IFNAR2: variants seen among roughly 807,000 people sequenced by gnomAD.
IFNAR2 encodes the protein interferon alpha/beta receptor 2.
A neutral mutation model predicts 49.4 loss-of-function variants in IFNAR2; 30 were observed. That is an observed-to-expected ratio of 0.61 (90% CI 0.45 to 0.82). The LOEUF (loss-of-function observed/expected upper bound fraction) is 0.82, where lower values mean the gene tolerates loss of function less well. Among genes scored for constraint, IFNAR2 ranks in the 40% least tolerant of loss-of-function variants. IFNAR2 has a pLI of 0.00. For synonymous variants in IFNAR2, 224 were observed against 234.5 expected, an observed-to-expected ratio of 0.96 and a Z score of 0.41; for missense variants, 600 against 622.7, an observed-to-expected ratio of 0.96 and a Z score of 0.39.
chr21:33,260,512 A>AAC (rs781779233), intron 7 of IFNAR2, 85 bp from the exon 8 acceptor site: 607 of 1,275,472 alleles, frequency 4.8e-4, no homozygotes, highest in Non-Finnish European at 6.1e-4. Flanking sequence ...ATCATCTTGT[A>AAC]ACACCAGGCC....
intron 1 of IFNAR2, among the ~76,000 whole-genome samples, chr21:33,234,566 A>G (rs1986307578): frequency 6.6e-6 from 1 of 152,240 alleles, no homozygotes; most frequent in Admixed American, 6.5e-5. Flanking sequence ...ACTATGAGGC[A>G]GCGAGTTCCT....
At chr21:33,236,408 A>G (rs899412115) in intron 1 of IFNAR2, among the ~76,000 whole-genome samples, 1 of 152,148 alleles carries the variant, frequency 6.6e-6, no homozygotes, top group Non-Finnish European at 1.5e-5. Context: ...CCCACAGTGT[A>G]GTGGCCACGT....
intron 7 of IFNAR2, among the ~76,000 whole-genome samples, chr21:33,257,865 T>C (rs1198456742): frequency 6.6e-6 from 1 of 152,140 alleles, no homozygotes; most frequent in Non-Finnish European, 1.5e-5. Flanking sequence ...TGGCCACAGA[T>C]GGCCTTCCTG....
At chr21:33,235,794 C>T (rs1009087570) in intron 1 of IFNAR2, among the ~76,000 whole-genome samples, 9 of 151,948 alleles carry the variant, frequency 5.9e-5, no homozygotes, top group Admixed American at 2.0e-4. Context: ...GGTGTGGTGG[C>T]GGGCGCCTGT....
intron 4 of IFNAR2, among the ~76,000 whole-genome samples, chr21:33,245,433 C>T (rs1034896477): frequency 1.6e-4 from 24 of 152,202 alleles, no homozygotes; most frequent in African/African-American, 5.5e-4. Context: ...TATCTGAGGA[C>T]AGGAATCCAA....
chr21:33,250,618 A>C (rs1011289547), intron 6 of IFNAR2, among the ~76,000 whole-genome samples: 1 of 151,842 alleles, frequency 6.6e-6, no homozygotes, highest in South Asian at 2.1e-4. Flanking sequence ...GCTCACTGCA[A>C]CCTCCGCCTC....
intron 3 of IFNAR2, 28 bp from the exon 4 acceptor site, chr21:33,244,923 T>A: frequency 6.2e-7 from 1 of 1,612,380 alleles, no homozygotes. Context: ...GTTCCAAATT[T>A]CAATGCCCTT....
intron 1 of IFNAR2, among the ~76,000 whole-genome samples, chr21:33,237,078 G>GGTGT (rs34322078): frequency 0.015 from 2,176 of 147,674 alleles, 22 homozygotes; most frequent in Middle Eastern, 0.028. Context: ...GGGAGAATGG[G>GGTGT]GTGTGTGTGT....
intron 1 of IFNAR2, among the ~76,000 whole-genome samples, chr21:33,236,279 G>A (rs1424936456): frequency 6.6e-6 from 1 of 152,074 alleles, no homozygotes; most frequent in East Asian, 1.9e-4. Flanking sequence ...TAGGATGCAT[G>A]TACTTGCACC....
intron 7 of IFNAR2, among the ~76,000 whole-genome samples, chr21:33,257,599 C>T (rs568701940): frequency 6.6e-6 from 1 of 152,056 alleles, no homozygotes; most frequent in South Asian, 2.1e-4. Context: ...GTGCGTTTTA[C>T]AGAATGCTGA....
chr21:33,262,977 T>C lies in IFNAR2; in HGVS notation c.1025T>C (p.Leu342Pro). ...TSGGGYTMHG[L>P]TVRPLGQASA... The stretch of plus-strand genomic sequence containing the variant: ...GGCGGTGGCTATACCATGCATGGAC[T>C]GACTGTCAGGCCTCTGGGTCAGGCC... The change falls in exon 9 of 9, where the codon CTG becomes CCG. Residue 342 changes from leucine to proline, a missense_variant. Physicochemically the swap from Leu to Pro is moderately conservative, Grantham distance 98. Transcript: ENST00000342136. 1.2e-6 allele frequency: 2 copies of C among 1,614,166 alleles called. No homozygotes were observed. The highest frequency in any genetic ancestry group is 2.2e-5 in the South Asian group (2 of 91,080).
chr21:33,248,785 T>C lies in IFNAR2; in HGVS notation c.471T>C (p.Ile157=). ...HINVMVKFPS[I]VEEELQFDLS... ...ATGTGATGGTGAAATTTCCATCTATTGTTGAGGAAGAATTACAGTTTGATT... is the reference window on the plus strand; with the variant it reads ...ATGTGATGGTGAAATTTCCATCTATCGTTGAGGAAGAATTACAGTTTGATT... Residue 157 remains isoleucine (I), a synonymous_variant, in exon 6 of 9, where the codon ATT becomes ATC. Coordinates refer to ENST00000342136, the MANE Select transcript of IFNAR2 (RefSeq NM_001289125.3). The C allele has an allele frequency of 1.2e-6, 2 of 1,611,402 alleles. No homozygotes were observed. The highest frequency in any genetic ancestry group is 1.7e-6 in the Non-Finnish European group (2 of 1,178,494).
chr21:33,249,455 G>C (rs1016496550), intron 6 of IFNAR2, among the ~76,000 whole-genome samples: 1 of 152,094 alleles, frequency 6.6e-6, no homozygotes, highest in African/African-American at 2.4e-5. Context: ...GTGAACCCTG[G>C]AGAGATTTAT....
At chr21:33,238,807 A>T (rs142375331) in intron 1 of IFNAR2, among the ~76,000 whole-genome samples, 13 of 152,132 alleles carry the variant, frequency 8.5e-5, no homozygotes, top group African/African-American at 3.1e-4. Context: ...CAGTAAGAAA[A>T]TAGCAACAGC....
chr21:33,250,840 A>C (rs935585223), intron 6 of IFNAR2, among the ~76,000 whole-genome samples: 48 of 152,106 alleles, frequency 3.2e-4, no homozygotes, highest in African/African-American at 1.1e-3. Context: ...TGCCCAGCTC[A>C]TAATTCTGCA....
Position 33,262,883 on chromosome 21 carries a change from A to G in IFNAR2, c.931A>G (p.Lys311Glu), listed in dbSNP as rs1215329754. The G allele has an allele frequency of 1.2e-6, 2 of 1,614,084 alleles. No individual in the cohort carries two copies. The highest frequency in any genetic ancestry group is 1.3e-5 in the African/African-American group (1 of 74,998). ...MVEVIYINRK[K>E]KVWDYNYDDE... is the part of the protein sequence containing the mutation. ...GGAGGTCATTTACATCAACAGAAAG[A>G]AGAAAGTGTGGGATTATAATTATGA... The change falls in exon 9 of 9, where the codon AAG becomes GAG. Residue 311 changes from lysine to glutamate, a missense_variant. Coordinates refer to ENST00000342136, the MANE Select transcript of IFNAR2 (RefSeq NM_001289125.3).
intron 1 of IFNAR2, among the ~76,000 whole-genome samples, chr21:33,235,291 G>A (rs1319094990): frequency 1.3e-5 from 2 of 152,120 alleles, no homozygotes; most frequent in Non-Finnish European, 2.9e-5. Flanking sequence ...GCAGGTCTCA[G>A]CCTCATTTTA....
At chr21:33,235,727 C>G (rs1352667086) in intron 1 of IFNAR2, among the ~76,000 whole-genome samples, 1 of 152,070 alleles carries the variant, frequency 6.6e-6, no homozygotes, top group Non-Finnish European at 1.5e-5. Flanking sequence ...GAGATCGAGA[C>G]CATCCTGGCT....
chr21:33,256,301 T>G (rs1422159961), intron 7 of IFNAR2, among the ~76,000 whole-genome samples: 1 of 152,244 alleles, frequency 6.6e-6, no homozygotes, highest in African/African-American at 2.4e-5. Context: ...CCTCATTCTT[T>G]GATTATTACC....
Sources: gnomAD v4.1 joint callset for allele counts (sites outside exome capture counted in the v4.1 genomes callset) on GRCh38, gnomAD v4.1.1 for gene constraint, MANE v1.5 for transcripts, NCBI Gene and HGNC (gene_info 2026-07-23, HGNC 2026-07-21) for gene names.